DYDC1: variants seen among roughly 807,000 people sequenced by gnomAD.
DYDC1 encodes the protein DPY30 domain containing 1.
A neutral mutation model predicts 27.9 loss-of-function variants in DYDC1; 21 were observed. That is an observed-to-expected ratio of 0.75 (90% CI 0.53 to 1.08). DYDC1 has a LOEUF of 1.08. Ranked by LOEUF, DYDC1 falls within the 50% of genes least tolerant of loss-of-function variation. The pLI is 0.00. For synonymous variants in DYDC1, 67 were observed against 65.8 expected (o/e 1.02, Z -0.09); for missense variants, 202 against 205.9 (o/e 0.98, Z 0.12).
rs184884408 is a variant in DYDC1 at position 80,343,538 on chromosome 10, G to A, written c.250-1177C>T. On this transcript the variant is annotated intron_variant, in intron 3 of 6. Transcript: ENST00000372202. ...CCTGTAATCCCAGCTACTCAGGAGCGAGGCAGGAGGATTACTTGAAGCCAG... is the reference window on the plus strand; with the variant it reads ...CCTGTAATCCCAGCTACTCAGGAGCAAGGCAGGAGGATTACTTGAAGCCAG... Among the ~76,000 whole-genome samples, 49 of 152,128 alleles carry A rather than the reference G, an allele frequency of 3.2e-4. No homozygotes were observed. In the East Asian group the frequency reaches 5.8e-3, roughly 18 times the overall value.
intron 4 of DYDC1, among the ~76,000 whole-genome samples, chr10:80,340,996 A>T (rs2018955674): frequency 6.6e-6 from 1 of 152,190 alleles, no homozygotes; most frequent in Non-Finnish European, 1.5e-5. Flanking sequence ...TTAATTCACC[A>T]TTCACACTTT....
At chr10:80,348,426 C>G (rs1189364988) in intron 3 of DYDC1, among the ~76,000 whole-genome samples, 1 of 152,240 alleles carries the variant, frequency 6.6e-6, no homozygotes, top group Non-Finnish European at 1.5e-5. Flanking sequence ...AAAACTTACA[C>G]TGCAGTAAAC....
At chr10:80,342,171 T>A (rs1842350693) in intron 4 of DYDC1, 98 bp downstream of exon 4, 2 of 1,205,852 alleles carry the variant, frequency 1.7e-6, no homozygotes, top group Non-Finnish European at 2.4e-6. Context: ...GTCTTCAGAC[T>A]ACAAATCCCA....
intron 3 of DYDC1, among the ~76,000 whole-genome samples, chr10:80,347,760 C>T (rs1355853902): frequency 6.6e-6 from 1 of 152,090 alleles, no homozygotes; most frequent in East Asian, 1.9e-4. Flanking sequence ...ATTAGTTGAC[C>T]GTATATACTT....
chr10:80,344,776 T>C (rs931497721), intron 3 of DYDC1: 8 of 314,926 alleles, frequency 2.5e-5, no homozygotes, highest in Non-Finnish European at 3.7e-5. Context: ...GCCTTTCGCC[T>C]CCCACCATGA....
At position 80,351,887 on chromosome 10, in the gene DYDC1, C is replaced by A. The variant is rs566657890; in HGVS notation, c.249+14G>T. On this transcript the variant is annotated intron_variant, in intron 3 of 6. Coordinates refer to ENST00000372202, the MANE Select transcript of DYDC1 (RefSeq NM_001269053.2). ...TTAATTCCAGTCCCCTCTGAACTCT[C>A]CTACTTGCCTCACCTGCTGAAGTAA... The A allele has an allele frequency of 1.2e-4, 193 of 1,613,708 alleles. 1 individual carries two copies. In the South Asian group the frequency reaches 2.1e-3, roughly 17 times the overall value.
intron 3 of DYDC1, among the ~76,000 whole-genome samples, chr10:80,342,937 T>C (rs1263655855): frequency 3.5e-5 from 5 of 140,852 alleles, no homozygotes; most frequent in African/African-American, 1.3e-4. Context: ...GCCGAGATTG[T>C]GCCATTGCAT....
At chr10:80,351,384 TG>T (rs1842963140) in intron 3 of DYDC1, among the ~76,000 whole-genome samples, 2 of 151,214 alleles carry the variant, frequency 1.3e-5, no homozygotes, top group Non-Finnish European at 1.5e-5. Context: ...CCTCCACTAC[TG>T]TGCTCTTAAA....
rs1327406382 is a variant in DYDC1 at position 80,339,161 on chromosome 10, A to G, written c.343-8T>C. 2 of 1,179,898 alleles carry G rather than the reference A, an allele frequency of 1.7e-6. No individual in the cohort carries two copies. Among genetic ancestry groups the G allele is most frequent in the African/African-American group, 1.6e-5 (1 of 61,766 alleles). 73.1% of individuals were successfully genotyped at this position (1,179,898 alleles called of 1,614,324 possible). On this transcript the variant is annotated splice_region_variant and splice_polypyrimidine_tract_variant and intron_variant, in intron 4 of 6. Transcript: ENST00000372202. ...CATATTCATTCTCATCTCCTATAAT[A>G]TATAAAAATTAAGAAAATACTTTGA... is the stretch of plus-strand genomic sequence containing the variant.
intron 4 of DYDC1, among the ~76,000 whole-genome samples, chr10:80,340,460 C>T (rs1842282031): frequency 6.6e-6 from 1 of 152,152 alleles, no homozygotes; most frequent in South Asian, 2.1e-4. Flanking sequence ...GTTATTCTGG[C>T]AGTGGTCACA....
At chr10:80,337,373 T>C in intron 6 of DYDC1, 2 of 985,494 alleles carry the variant, frequency 2.0e-6, no homozygotes, top group Non-Finnish European at 2.4e-6. Flanking sequence ...GCACTGAGTC[T>C]GTGCAGCTCC....
chr10:80,352,034 T>C (rs765419193), intron 2 of DYDC1, 32 bp from the exon 3 acceptor site: 2 of 1,602,392 alleles, frequency 1.2e-6, no homozygotes, highest in South Asian at 2.2e-5. Flanking sequence ...AGCACACGAC[T>C]TCTTAGCGAG....
intron 3 of DYDC1, among the ~76,000 whole-genome samples, chr10:80,347,998 T>C (rs75474237): frequency 6.6e-6 from 1 of 152,312 alleles, no homozygotes; most frequent in African/African-American, 2.4e-5. Context: ...AAGAATGCCA[T>C]TGGAATTTTG....
chr10:80,337,206 A>G (rs1842160208), intron 6 of DYDC1: 1 of 985,362 alleles, frequency 1.0e-6, no homozygotes, highest in African/African-American at 1.7e-5. Context: ...TGTCCAGCCC[A>G]GGTCAGGTCT....
intron 2 of DYDC1, 28 bp downstream of exon 2, chr10:80,352,427 A>C (rs1277923711): frequency 6.5e-7 from 1 of 1,534,286 alleles, no homozygotes; most frequent in East Asian, 2.3e-5. Context: ...TTTTTCTTCT[A>C]ATTTCCTAGA....
intron 4 of DYDC1, among the ~76,000 whole-genome samples, chr10:80,339,413 T>A (rs1474417255): frequency 6.6e-6 from 1 of 151,912 alleles, no homozygotes; most frequent in Non-Finnish European, 1.5e-5. Flanking sequence ...ACTGAAACAG[T>A]CAAACTGAAG....
intron 3 of DYDC1, among the ~76,000 whole-genome samples, chr10:80,350,264 A>G (rs1842907212): frequency 6.6e-6 from 1 of 152,254 alleles, no homozygotes; most frequent in Non-Finnish European, 1.5e-5. Context: ...TGTTATTGCT[A>G]GTATTGCCAA....
chr10:80,344,931 T>A (rs1457013463), intron 3 of DYDC1: 1 of 154,428 alleles, frequency 6.5e-6, no homozygotes, highest in East Asian at 1.9e-4. Context: ...ATTTTCAAAG[T>A]CGTGTAGAAA....
chr10:80,339,093 T>C lies in DYDC1; in HGVS notation c.399+4A>G. ...CATAACATAGAATGACTTTTTCTTC[T>C]CACCTCTGAATGTAGAATATCTTCA... On this transcript the variant is annotated splice_donor_region_variant and intron_variant, in intron 5 of 6. Transcript: ENST00000372202. 7.2e-7 allele frequency: 1 copy of C among 1,385,444 alleles called. No homozygotes were observed. The highest frequency in any genetic ancestry group is 9.8e-7 in the Non-Finnish European group (1 of 1,023,188). 85.8% of individuals were successfully genotyped at this position (1,385,444 alleles called of 1,614,324 possible).
Sources: gnomAD v4.1 joint callset for allele counts (sites outside exome capture counted in the v4.1 genomes callset) on GRCh38, gnomAD v4.1.1 for gene constraint, MANE v1.5 for transcripts, NCBI Gene and HGNC (gene_info 2026-07-23, HGNC 2026-07-21) for gene names.